RAB3GAP1: variants seen among roughly 807,000 people sequenced by gnomAD.
RAB3GAP1 encodes rab3 GTPase-activating protein catalytic subunit.
RAB3GAP1 carries 86 observed loss-of-function variants against 130.7 expected under a neutral mutation model. The ratio of observed to expected loss-of-function variants is 0.66; its 90% CI spans 0.55 to 0.79. The LOEUF is 0.79. Ranked by LOEUF, RAB3GAP1 falls within the 30% of genes least tolerant of loss-of-function variation. The pLI, the probability that RAB3GAP1 is intolerant of heterozygous loss-of-function variation, is 0.00. For synonymous variants in RAB3GAP1, 367 were observed against 401.7 expected, an observed-to-expected ratio of 0.91 and a Z score of 1.03; for missense variants, 1,029 against 1,169.4, an observed-to-expected ratio of 0.88 and a Z score of 1.75.
intron 7 of RAB3GAP1, among the ~76,000 whole-genome samples, chr2:135,116,466 T>A (rs961079984): frequency 6.6e-5 from 10 of 152,066 alleles, no homozygotes; most frequent in East Asian, 3.8e-4. Context: ...CTGGAAGCAA[T>A]TCAGATTTAA....
chr2:135,135,336 G>T lies in RAB3GAP1; in HGVS notation c.1554+17G>T, dbSNP rs1573584115. 2.5e-6 allele frequency: 4 copies of T among 1,582,596 alleles called. No homozygotes were observed. In the African/African-American group the frequency reaches 5.4e-5, roughly 21 times the overall value. On this transcript the variant is annotated intron_variant, in intron 16 of 23. Coordinates refer to ENST00000264158, the MANE Select transcript of RAB3GAP1 (RefSeq NM_012233.3). ...AAACTACAGGTAAAGATTTCTCAAT[G>T]ACATGGATAAATGTGGTCTTGATTT...
Sources: gnomAD v4.1 joint callset for allele counts (sites outside exome capture counted in the v4.1 genomes callset) on GRCh38, gnomAD v4.1.1 for gene constraint, MANE v1.5 for transcripts, NCBI Gene and HGNC (gene_info 2026-07-23, HGNC 2026-07-21) for gene names.